The following PRLR variants were observed in gnomAD, a reference collection of about 807,000 sequenced individuals.
PRLR encodes the protein hPRL receptor.
Under a neutral mutation model 40.2 loss-of-function variants are expected in PRLR, and 13 were observed. That is an observed-to-expected ratio of 0.32 (90% confidence interval 0.21 to 0.51). The LOEUF is 0.51. PRLR is among the 20% of genes least tolerant of loss of function. PRLR has a pLI of 0.97. For synonymous variants in PRLR, 269 were observed against 278.7 expected (o/e 0.97, Z 0.35); for missense variants, 656 against 747.3 (o/e 0.88, Z 1.42).
intron 9 of PRLR, among the ~76,000 whole-genome samples, chr5:35,066,474 G>A (rs536942234): frequency 1.3e-5 from 2 of 152,266 alleles, no homozygotes; most frequent in South Asian, 2.1e-4. Context: ...GTGGTTGCTG[G>A]CCTGCTAACT....
intron 1 of PRLR, among the ~76,000 whole-genome samples, chr5:35,229,534 T>C (rs1776641305): frequency 6.6e-6 from 1 of 152,094 alleles, no homozygotes; most frequent in African/African-American, 2.4e-5. Flanking sequence ...TTACCTGAGT[T>C]TGCCTGACTT....
chr5:35,049,813 A>G (rs573879153), intron 8 of PRLR, among the ~76,000 whole-genome samples: 1 of 151,942 alleles, frequency 6.6e-6, no homozygotes, highest in Non-Finnish European at 1.5e-5. Context: ...AAGGATTCCT[A>G]GGTCAAAATG....
At chr5:35,139,158 G>A (rs1420993337) in intron 1 of PRLR, among the ~76,000 whole-genome samples, 2 of 152,026 alleles carry the variant, frequency 1.3e-5, no homozygotes, top group African/African-American at 4.8e-5. Flanking sequence ...TTTTTGAGAT[G>A]GAGTCTCACT....
intron 1 of PRLR, among the ~76,000 whole-genome samples, chr5:35,180,867 T>C (rs1775279065): frequency 6.6e-6 from 1 of 152,168 alleles, no homozygotes; most frequent in Admixed American, 6.5e-5. Context: ...CTCAGAATGA[T>C]GGTTTCCAGC....
intron 1 of PRLR, among the ~76,000 whole-genome samples, chr5:35,218,239 CATATA>C (rs1346383365): frequency 6.6e-6 from 1 of 152,092 alleles, no homozygotes; most frequent in African/African-American, 2.4e-5. Flanking sequence ...TGACACATAT[CATATA>C]ATATTTTAAA....
rs535846105 is a variant in PRLR, at chr5:35,048,920, G to T, written c.*367C>A. On this transcript the variant is annotated 3_prime_UTR_variant, in exon 9 of 9. Transcript: ENST00000231423. ...GGGGTCGAGGGACTGGGGATGGGTA[G>T]ATATCATTAATCTTGGGTCACCCTG... 6.8e-4 allele frequency: 242 copies of T among 354,022 alleles called. 1 individual carries two copies. The highest frequency in any genetic ancestry group is 9.7e-4 in the Non-Finnish European group (172 of 178,068). The allele number at this position is 354,022 out of a possible 1,614,324, so 21.9% of individuals were successfully genotyped here.
chr5:35,140,083 A>G (rs1273289209), intron 1 of PRLR, among the ~76,000 whole-genome samples: 1 of 152,232 alleles, frequency 6.6e-6, no homozygotes, highest in Non-Finnish European at 1.5e-5. Context: ...TAAATTAACT[A>G]TAATGCTCCA....
chr5:35,158,827 T>C (rs1298875026), intron 1 of PRLR, among the ~76,000 whole-genome samples: 1 of 152,066 alleles, frequency 6.6e-6, no homozygotes, highest in African/African-American at 2.4e-5. Context: ...AGAAAGCTTA[T>C]CAGAGCAGGA....
intron 1 of PRLR, among the ~76,000 whole-genome samples, chr5:35,160,594 C>CT (rs1774645950): frequency 2.6e-5 from 4 of 152,166 alleles, no homozygotes. Context: ...AAGGTGTAGG[C>CT]TGGTCACAAG....
intron 1 of PRLR, among the ~76,000 whole-genome samples, chr5:35,150,299 A>AT (rs1266877383): frequency 2.0e-5 from 3 of 152,160 alleles, no homozygotes; most frequent in Non-Finnish European, 2.9e-5. Flanking sequence ...TCAGAAACAC[A>AT]TTTTTTTCTA....
At chr5:35,201,712 TTCTCC>T (rs1262596871) in intron 1 of PRLR, among the ~76,000 whole-genome samples, 1 of 119,718 alleles carries the variant, frequency 8.4e-6, no homozygotes, top group African/African-American at 2.9e-5. Flanking sequence ...TTCTCTTCTC[TTCTCC>T]TCTCCTCTTT....
At chr5:35,103,407 G>A (rs1772024528) in intron 2 of PRLR, among the ~76,000 whole-genome samples, 1 of 152,234 alleles carries the variant, frequency 6.6e-6, no homozygotes, top group Non-Finnish European at 1.5e-5. Context: ...TGGAAGTAGA[G>A]TGGGCTTCTG....
At chr5:35,182,743 T>C (rs1230951634) in intron 1 of PRLR, among the ~76,000 whole-genome samples, 1 of 152,210 alleles carries the variant, frequency 6.6e-6, no homozygotes, top group Admixed American at 6.5e-5. Context: ...TCACAGAATC[T>C]AAGAAGGGCA....
intron 1 of PRLR, among the ~76,000 whole-genome samples, chr5:35,216,535 A>G (rs891878273): frequency 3.9e-5 from 6 of 152,320 alleles, no homozygotes; most frequent in African/African-American, 1.4e-4. Context: ...TGGGCCTAGC[A>G]TACCACTCTG....
rs368396172 is a variant in PRLR at position 35,089,567 on chromosome 5, G to A, written c.54C>T (p.Asn18=). 1.2e-6 allele frequency: 2 copies of A among 1,612,600 alleles called. No homozygotes were observed. The highest frequency in any genetic ancestry group is 1.7e-6 in the Non-Finnish European group (2 of 1,178,738). Residue 18 remains asparagine (N), a synonymous_variant, in exon 3 of 10, where the codon AAC becomes AAT. Transcript: ENST00000618457. ...CTTACTTACCATTCAGAAGGCAGGT[G>A]TTGAGAAAAAGTAGCAGAGTGAAAA... The part of the protein sequence containing the change: ...ATVFTLLLFL[N]TCLLNGQLPP...
At chr5:35,084,822 G>T (rs1193619002) in intron 4 of PRLR, among the ~76,000 whole-genome samples, 183 bp from the exon 5 acceptor site, 1 of 152,224 alleles carries the variant, frequency 6.6e-6, no homozygotes, top group Non-Finnish European at 1.5e-5. Context: ...AGAGAGGGAA[G>T]AGCATGTTGG....
At chr5:35,177,207 C>T (rs1284348133) in intron 1 of PRLR, among the ~76,000 whole-genome samples, 4 of 152,042 alleles carry the variant, frequency 2.6e-5, no homozygotes, top group Non-Finnish European at 5.9e-5. Context: ...CAGAGGCTGG[C>T]GGGATCCTCC....
chr5:35,102,545 C>CCTCTA (rs1177664302), intron 2 of PRLR, among the ~76,000 whole-genome samples: 28 of 140,886 alleles, frequency 2.0e-4, no homozygotes, highest in Non-Finnish European at 1.4e-4. Context: ...CCTCTCCTCT[C>CCTCTA]TTTTCTTTTC....
In PRLR at chr5:35,184,698, C is replaced by T. The variant is rs142244434; in HGVS notation, c.-106+45570G>A. ...GTTTCTTATCCTCTTCCCCTCCTCA[C>T]AGGGAATGATTCTACTTGGCCAAAG... On this transcript the variant is annotated intron_variant, in intron 1 of 9. Coordinates refer to ENST00000618457, the MANE Select transcript of PRLR (RefSeq NM_000949.7). 1.5e-3 allele frequency among the ~76,000 whole-genome samples: 228 copies of T among 152,310 alleles called. 1 individual carries two copies. The highest frequency in any genetic ancestry group is 5.1e-3 in the African/African-American group (210 of 41,572).
Sources: gnomAD v4.1 joint callset for allele counts (sites outside exome capture counted in the v4.1 genomes callset) on GRCh38, gnomAD v4.1.1 for gene constraint, MANE v1.5 for transcripts, NCBI Gene and HGNC (gene_info 2026-07-23, HGNC 2026-07-21) for gene names.